Variants in CERS6 observed in about 807,000 individuals in gnomAD.
CERS6 encodes ceramide synthase 6, also known as LAG1 homolog, ceramide synthase 6.
CERS6 carries 26 observed loss-of-function variants against 56.8 expected under a neutral mutation model. The observed-to-expected ratio is 0.46, with a 90% CI of 0.34 to 0.63. CERS6 has a LOEUF of 0.63. CERS6 is among the 30% of genes least tolerant of loss of function. The probability of loss-of-function intolerance (pLI) is 0.01; values close to 1 mark genes in which losing one functional copy is unlikely to be tolerated. For synonymous variants in CERS6, 164 were observed against 173.3 expected, an observed-to-expected ratio of 0.95 and a Z score of 0.42; for missense variants, 415 against 467.5, an observed-to-expected ratio of 0.89 and a Z score of 1.04.
intron 1 of CERS6, among the ~76,000 whole-genome samples, chr2:168,522,689 C>T (rs1162188904): frequency 6.6e-6 from 1 of 152,036 alleles, no homozygotes; most frequent in Non-Finnish European, 1.5e-5. Context: ...CTGGCATGTA[C>T]CACTGCAACT....
intron 3 of CERS6, among the ~76,000 whole-genome samples, chr2:168,610,828 G>T (rs1684171380): frequency 6.6e-6 from 1 of 152,052 alleles, no homozygotes; most frequent in Non-Finnish European, 1.5e-5. Context: ...TATTTTTTGA[G>T]TCAGAGTCTT....
At chr2:168,533,001 A>G (rs1037523795) in intron 1 of CERS6, among the ~76,000 whole-genome samples, 11 of 152,222 alleles carry the variant, frequency 7.2e-5, no homozygotes, top group African/African-American at 2.4e-4. Flanking sequence ...TATAAGCACA[A>G]ATTTAAAGTA....
At chr2:168,673,319 G>A (rs750983985) in intron 4 of CERS6, among the ~76,000 whole-genome samples, 5 of 152,034 alleles carry the variant, frequency 3.3e-5, no homozygotes, top group African/African-American at 4.8e-5. Context: ...TCCTGATTAC[G>A]AATAATGCCC....
chr2:168,587,428 T>C (rs1683570226), intron 3 of CERS6, among the ~76,000 whole-genome samples: 1 of 152,194 alleles, frequency 6.6e-6, no homozygotes, highest in Non-Finnish European at 1.5e-5. Flanking sequence ...ATGTGTTGGT[T>C]ACACCAATTC....
At chr2:168,696,927 T>C (rs1686663462) in intron 6 of CERS6, among the ~76,000 whole-genome samples, 1 of 152,182 alleles carries the variant, frequency 6.6e-6, no homozygotes, top group Non-Finnish European at 1.5e-5. Context: ...ATCAGTAAGT[T>C]GAGGGTAAAT....
intron 1 of CERS6, among the ~76,000 whole-genome samples, chr2:168,517,598 C>T (rs1000195237): frequency 1.3e-5 from 2 of 151,884 alleles, no homozygotes; most frequent in Admixed American, 1.3e-4. Flanking sequence ...GCTGTCTCTA[C>T]TGTTTTAAAA....
intron 6 of CERS6, among the ~76,000 whole-genome samples, chr2:168,714,221 C>A (rs1574184202): frequency 2.0e-5 from 3 of 152,292 alleles, no homozygotes; most frequent in Admixed American, 6.5e-5. Flanking sequence ...CCAAATACCC[C>A]ACCTCCTAAT....
intron 3 of CERS6, among the ~76,000 whole-genome samples, chr2:168,564,480 C>A (rs928421109): frequency 6.6e-5 from 10 of 152,038 alleles, no homozygotes; most frequent in African/African-American, 2.4e-4. Context: ...TACTACTATC[C>A]CCATGTTGTG....
intron 3 of CERS6, among the ~76,000 whole-genome samples, chr2:168,569,392 CAGTG>C (rs1399600654): frequency 2.0e-5 from 3 of 152,194 alleles, no homozygotes; most frequent in African/African-American, 7.2e-5. Context: ...AGAAGGGTGG[CAGTG>C]AGTTACTGTG....
At chr2:168,520,166 A>G (rs1694951668) in intron 1 of CERS6, among the ~76,000 whole-genome samples, 1 of 151,978 alleles carries the variant, frequency 6.6e-6, no homozygotes, top group South Asian at 2.1e-4. Flanking sequence ...TTTGACTTGC[A>G]TTTCTCTGAT....
intron 4 of CERS6, among the ~76,000 whole-genome samples, chr2:168,633,184 AAAAGG>A (rs1344246427): frequency 2.0e-5 from 3 of 152,102 alleles, no homozygotes; most frequent in Non-Finnish European, 4.4e-5. Flanking sequence ...AATAAAAAAA[AAAAGG>A]AAAGGAAAGA....
chr2:168,689,462 A>C (rs185923587), intron 4 of CERS6, among the ~76,000 whole-genome samples: 127 of 152,306 alleles, frequency 8.3e-4, no homozygotes, highest in African/African-American at 3.0e-3. Context: ...GAAAATTTAA[A>C]TTATTTTTAT....
At chr2:168,726,304 T>C (rs1031975054) in intron 8 of CERS6, among the ~76,000 whole-genome samples, 1 of 152,222 alleles carries the variant, frequency 6.6e-6, no homozygotes, top group Non-Finnish European at 1.5e-5. Flanking sequence ...AGGTGCTTAC[T>C]ATGTTCCATT....
At chr2:168,743,202 ATG>A (rs1305742285) in intron 8 of CERS6, among the ~76,000 whole-genome samples, 4 of 148,702 alleles carry the variant, frequency 2.7e-5, no homozygotes, top group Non-Finnish European at 3.0e-5. Flanking sequence ...GTATATATAT[ATG>A]TGTGTGTGTA....
At chr2:168,702,242 G>A (rs1559058821) in intron 6 of CERS6, among the ~76,000 whole-genome samples, 1 of 152,132 alleles carries the variant, frequency 6.6e-6, no homozygotes, top group East Asian at 1.9e-4. Context: ...TGATGAAATT[G>A]GAAATAGGTA....
intron 1 of CERS6, among the ~76,000 whole-genome samples, chr2:168,471,745 C>G (rs2105325298): frequency 6.6e-6 from 1 of 152,292 alleles, no homozygotes; most frequent in South Asian, 2.1e-4. Flanking sequence ...TTCAGATTGT[C>G]TAAAGCTTTT....
intron 1 of CERS6, among the ~76,000 whole-genome samples, chr2:168,498,483 G>A (rs990449036): frequency 6.6e-6 from 1 of 152,190 alleles, no homozygotes; most frequent in Non-Finnish European, 1.5e-5. Context: ...ACACCAAGCA[G>A]GGTGGCCGGG....
rs866804197 is a variant in CERS6 at position 168,645,152 on chromosome 2, G to T, written c.465+14110G>T. ...ATATATATATATATATAGAGAGAGA[G>T]AGAGAGAGAGAGAGAGAGAGAGAGA... On this transcript the variant is annotated intron_variant, in intron 4 of 9. Coordinates refer to ENST00000305747, the MANE Select transcript of CERS6 (RefSeq NM_203463.3). Among the ~76,000 whole-genome samples, 323 of 67,120 alleles carry T rather than the reference G, an allele frequency of 4.8e-3. 8 individuals carry two copies. Among genetic ancestry groups the T allele is most frequent in the African/African-American group, 0.018 (192 of 10,774 alleles). The allele number at this position is 67,120 out of a possible 152,430, so 44.0% of individuals were successfully genotyped here.
intron 1 of CERS6, among the ~76,000 whole-genome samples, chr2:168,541,317 A>C (rs768675073): frequency 6.6e-6 from 1 of 152,192 alleles, no homozygotes; most frequent in African/African-American, 2.4e-5. Context: ...CAGTATGTTT[A>C]TGTCTTTTAC....
Sources: allele counts gnomAD v4.1 joint callset (sites outside exome capture counted in the v4.1 genomes callset), GRCh38; gene constraint gnomAD v4.1.1; transcripts MANE v1.5; gene names NCBI Gene and HGNC (gene_info 2026-07-23, HGNC 2026-07-21).